The following SLC36A4 variants were observed in gnomAD, a reference collection of about 807,000 sequenced individuals.
SLC36A4 encodes neutral amino acid uniporter 4.
SLC36A4 carries 49 observed loss-of-function variants against 50.5 expected under a neutral mutation model. That is an observed-to-expected ratio of 0.97 (90% CI 0.77 to 1.23). The LOEUF (loss-of-function observed/expected upper bound fraction) is 1.23. SLC36A4 is among the 50% of genes most tolerant of loss of function. The pLI is 0.00. For missense variants in SLC36A4, 611 were observed against 608.4 expected (o/e 1.00, Z -0.05); for synonymous variants, 207 against 206.5 (o/e 1.00, Z -0.02).
intron 1 of SLC36A4, among the ~76,000 whole-genome samples, chr11:93,193,238 A>C (rs1480238910): frequency 6.6e-6 from 1 of 152,182 alleles, no homozygotes; most frequent in African/African-American, 2.4e-5. Context: ...GCCAGAAGGA[A>C]ATAGAGATTA....
chr11:93,160,370 C>A (rs994527969), intron 9 of SLC36A4: 1 of 985,224 alleles, frequency 1.0e-6, no homozygotes, highest in Admixed American at 6.2e-5. Context: ...AGGGTTTCCT[C>A]TAATGAAAGG....
intron 1 of SLC36A4, among the ~76,000 whole-genome samples, chr11:93,190,066 T>C (rs1391524695): frequency 6.6e-6 from 1 of 152,200 alleles, no homozygotes; most frequent in Non-Finnish European, 1.5e-5. Context: ...TTATTTAACT[T>C]TGTTCAACAG....
In SLC36A4 at chr11:93,154,155, T is replaced by C. The variant is rs780602714; in HGVS notation, c.1160A>G (p.Lys387Arg). 2 of 1,564,508 alleles carry C rather than the reference T, an allele frequency of 1.3e-6. No individual in the cohort carries two copies. Among genetic ancestry groups the C allele is most frequent in the East Asian group, 2.3e-5 (1 of 42,762 alleles). ...GITSKFHTKWKQICEFGIRSF... is the reference protein window; with the variant it reads ...GITSKFHTKWRQICEFGIRSF... ...TCTTATCCCAAATTCACAGATTTGCTTCCATTTAGTATGAAATTTGGATGT... is the reference window on the plus strand; with the variant it reads ...TCTTATCCCAAATTCACAGATTTGCCTCCATTTAGTATGAAATTTGGATGT... The change falls in exon 10 of 11, where the codon AAG becomes AGG. Residue 387 changes from lysine to arginine, a missense_variant. Coordinates refer to ENST00000326402, the MANE Select transcript of SLC36A4 (RefSeq NM_152313.4).
chr11:93,168,589 C>A (rs572693255), intron 6 of SLC36A4, among the ~76,000 whole-genome samples: 1 of 152,070 alleles, frequency 6.6e-6, no homozygotes, highest in East Asian at 1.9e-4. Flanking sequence ...AGCTTATTTT[C>A]TTCAGATAGG....
chr11:93,156,305 T>C (rs767264468), intron 9 of SLC36A4, among the ~76,000 whole-genome samples: 3 of 152,188 alleles, frequency 2.0e-5, no homozygotes, highest in Non-Finnish European at 4.4e-5. Context: ...CACACTGTGG[T>C]TTTGATTTGC....
intron 9 of SLC36A4, among the ~76,000 whole-genome samples, chr11:93,162,346 T>C (rs1860655594): frequency 6.6e-6 from 1 of 152,134 alleles, no homozygotes; most frequent in Admixed American, 6.5e-5. Context: ...TTCGCTCTTG[T>C]CACCCAGGCT....
intron 6 of SLC36A4, among the ~76,000 whole-genome samples, chr11:93,170,846 G>A (rs1380588410): frequency 6.6e-6 from 1 of 151,980 alleles, no homozygotes; most frequent in Non-Finnish European, 1.5e-5. Flanking sequence ...TAGTCATGTG[G>A]CAGTTACATA....
chr11:93,181,489 C>A (rs1224233088), intron 5 of SLC36A4, among the ~76,000 whole-genome samples: 4 of 151,980 alleles, frequency 2.6e-5, no homozygotes, highest in Non-Finnish European at 5.9e-5. Context: ...AAACAAACCA[C>A]AATGATAAAT....
intron 1 of SLC36A4, among the ~76,000 whole-genome samples, chr11:93,192,001 T>C (rs933727289): frequency 6.6e-6 from 1 of 152,072 alleles, no homozygotes; most frequent in East Asian, 1.9e-4. Context: ...GGCCCTAATA[T>C]ATGTTAAACA....
At chr11:93,167,300 C>G (rs1860917216) in intron 7 of SLC36A4, 3 of 152,060 alleles carry the variant, frequency 2.0e-5, no homozygotes. Flanking sequence ...GTCTTTGACA[C>G]CTTTGCAAGA....
Position 93,144,241 on chromosome 11 carries a change from C to A in SLC36A4, c.*4296G>T, listed in dbSNP as rs1859808193. 6.6e-6 allele frequency: 1 copy of A among 151,872 alleles called. No homozygotes were observed. Among genetic ancestry groups the A allele is most frequent in the African/African-American group, 2.4e-5 (1 of 41,376 alleles). 9.4% of individuals were successfully genotyped at this position (151,872 alleles called of 1,614,324 possible). A position where few individuals can be genotyped will look rare whatever the true frequency, so the allele number is the denominator to read the frequency against. On this transcript the variant is annotated 3_prime_UTR_variant, in exon 11 of 11. Transcript: ENST00000326402. ...ACTTTAAGACAGCGTTTTTCATATT[C>A]TGTTATAAAGAAAAATGTTAAAAGA...
intron 7 of SLC36A4, chr11:93,166,355 A>AGTGTGG (rs1860865080): frequency 9.9e-7 from 1 of 1,010,492 alleles, no homozygotes; most frequent in East Asian, 9.5e-5. Flanking sequence ...GCCTAAGCTG[A>AGTGTGG]GAGCCATATA....
chr11:93,185,593 G>A (rs1861946692), intron 2 of SLC36A4, 98 bp downstream of exon 2: 11 of 1,115,438 alleles, frequency 9.9e-6, no homozygotes, highest in Non-Finnish European at 1.1e-5. Flanking sequence ...TCTTATATTT[G>A]TGTCTTGTAA....
At chr11:93,177,625 T>G (rs1466267386) in intron 6 of SLC36A4, among the ~76,000 whole-genome samples, 1 of 152,202 alleles carries the variant, frequency 6.6e-6, no homozygotes, top group African/African-American at 2.4e-5. Flanking sequence ...TGTTGGAGTT[T>G]GCTGGAGGTC....
At chr11:93,159,176 T>A (rs970835608) in intron 9 of SLC36A4, among the ~76,000 whole-genome samples, 11 of 152,124 alleles carry the variant, frequency 7.2e-5, no homozygotes, top group Non-Finnish European at 1.3e-4. Flanking sequence ...ATAATGATAG[T>A]AAAGAATTTA....
At chr11:93,154,463 AC>A (rs1479965904) in intron 9 of SLC36A4, 186 bp from the exon 10 acceptor site, 3 of 332,248 alleles carry the variant, frequency 9.0e-6, no homozygotes, top group Non-Finnish European at 1.6e-5. Flanking sequence ...TGATACAAGA[AC>A]AATTCATTTT....
intron 10 of SLC36A4, chr11:93,152,243 C>T (rs1345110202): frequency 1.3e-5 from 2 of 152,128 alleles, no homozygotes; most frequent in Non-Finnish European, 2.9e-5. Flanking sequence ...GCTGCACAGC[C>T]TACTCTACAA....
chr11:93,148,806 T>C lies in SLC36A4; in HGVS notation c.1246A>G (p.Ile416Val). ...AILIPRLDIV[I>V]SFVGAVSSST... ...CTGCTCACAGCTCCAACGAAGGAAA[T>C]CACAATGTCTAAACGAGGAATAAGA... Residue 416 changes from isoleucine to valine, a missense_variant, in exon 11 of 11, where the codon ATT becomes GTT. Physicochemically the swap from Ile to Val is conservative, Grantham distance 29. Transcript: ENST00000326402. 6.2e-7 allele frequency: 1 copy of C among 1,612,676 alleles called. No individual in the cohort carries two copies. The highest frequency in any genetic ancestry group is 8.5e-7 in the Non-Finnish European group (1 of 1,179,214).
rs1186329617 is a variant in SLC36A4, at chr11:93,147,404, T to C, written c.*1133A>G. The C allele has an allele frequency of 1.3e-5, 2 of 152,132 alleles. No individual in the cohort carries two copies. The highest frequency in any genetic ancestry group is 4.8e-5 in the African/African-American group (2 of 41,440). 9.4% of individuals were successfully genotyped at this position (152,132 alleles called of 1,614,324 possible). Reference sequence around the variant, plus strand: ...GTCTATTTTCTGCCATTCAGGAATGTGGTGCCTACAAAACTCAGGAAAGGA... The same window carrying C: ...GTCTATTTTCTGCCATTCAGGAATGCGGTGCCTACAAAACTCAGGAAAGGA... On this transcript the variant is annotated 3_prime_UTR_variant, in exon 11 of 11. Transcript: ENST00000326402.
Sources: allele counts gnomAD v4.1 joint callset (sites outside exome capture counted in the v4.1 genomes callset), GRCh38; gene constraint gnomAD v4.1.1; transcripts MANE v1.5; gene names NCBI Gene and HGNC (gene_info 2026-07-23, HGNC 2026-07-21).